The following PTCD2 variants were observed in gnomAD, a reference collection of about 807,000 sequenced individuals.
PTCD2 encodes pentatricopeptide repeat domain 2.
In PTCD2, 31 loss-of-function variants were observed where a neutral mutation model predicts 42.6. The observed-to-expected ratio is 0.73, with a 90% CI of 0.55 to 0.98. PTCD2 has a LOEUF of 0.98. Ranked by LOEUF, PTCD2 falls within the 50% of genes least tolerant of loss-of-function variation. PTCD2 has a pLI of 0.00. For synonymous variants in PTCD2, 183 were observed against 170.9 expected (o/e 1.07, Z -0.55); for missense variants, 476 against 454.8 (o/e 1.05, Z -0.42).
chr5:72,362,845 T>G lies in PTCD2; in HGVS notation c.*4418T>G, dbSNP rs977144520. On this transcript the variant is annotated 3_prime_UTR_variant, in exon 10 of 10. Transcript: ENST00000380639. The stretch of plus-strand genomic sequence containing the variant: ...ACTCCCAGGGATCTTTTTGTTTCTG[T>G]AGGAGGTGCTCATTACAGAGTGGCC... The G allele has an allele frequency of 3.3e-5, 5 of 152,232 alleles. No homozygotes were observed. The highest frequency in any genetic ancestry group is 4.8e-5 in the African/African-American group (2 of 41,450). 9.4% of individuals were successfully genotyped at this position (152,232 alleles called of 1,614,324 possible). A position where few individuals can be genotyped will look rare whatever the true frequency, so the allele number is the denominator to read the frequency against.
rs1421682271 is a variant in PTCD2, at chr5:72,359,475, C to G, written c.*1048C>G. ...AGCTGTCTGCCAAGATTGCTGCAGA[C>G]TCTTCATTGCCACCTCCAAAACTAA... On this transcript the variant is annotated 3_prime_UTR_variant, in exon 10 of 10. Transcript: ENST00000380639. 6.6e-6 allele frequency: 1 copy of G among 152,200 alleles called. No homozygotes were observed. The highest frequency in any genetic ancestry group is 1.5e-5 in the Non-Finnish European group (1 of 68,050). 9.4% of individuals were successfully genotyped at this position (152,200 alleles called of 1,614,324 possible). A position where few individuals can be genotyped will look rare whatever the true frequency, so the allele number is the denominator to read the frequency against.
intron 4 of PTCD2, among the ~76,000 whole-genome samples, chr5:72,334,785 G>A (rs568855581): frequency 6.6e-6 from 1 of 152,108 alleles, no homozygotes; most frequent in African/African-American, 2.4e-5. Context: ...TTCTGACCTC[G>A]TGATCCACCT....
chr5:72,363,923 A>G lies in PTCD2; in HGVS notation c.*5496A>G, dbSNP rs888982816. ...CCTATAAATTTGATTCAGAGAAATT[A>G]CACTTCATAGATAAACTAGCCATAA... On this transcript the variant is annotated 3_prime_UTR_variant, in exon 10 of 10. Transcript: ENST00000380639. The G allele has an allele frequency of 6.6e-6, 1 of 152,256 alleles. No homozygotes were observed. Among genetic ancestry groups the G allele is most frequent in the Non-Finnish European group, 1.5e-5 (1 of 68,042 alleles). The allele number at this position is 152,256 out of a possible 1,614,324, so 9.4% of individuals were successfully genotyped here. A position where few individuals can be genotyped will look rare whatever the true frequency, so the allele number is the denominator to read the frequency against.
intron 9 of PTCD2, among the ~76,000 whole-genome samples, chr5:72,353,722 CAT>C (rs1752731951): frequency 6.6e-6 from 1 of 152,086 alleles, no homozygotes; most frequent in East Asian, 1.9e-4. Context: ...TTTAGTGTAA[CAT>C]AGAGACAAGC....
chr5:72,339,939 CTA>C (rs1751966869), intron 7 of PTCD2, among the ~76,000 whole-genome samples: 1 of 152,040 alleles, frequency 6.6e-6, no homozygotes, highest in African/African-American at 2.4e-5. Flanking sequence ...ACAGCTTTTC[CTA>C]TGCTTTATTT....
intron 8 of PTCD2, among the ~76,000 whole-genome samples, chr5:72,350,988 G>A (rs2112218891): frequency 6.6e-6 from 1 of 152,286 alleles, no homozygotes; most frequent in Non-Finnish European, 1.5e-5. Context: ...GTGATGAATT[G>A]CTATGTATGT....
At chr5:72,326,935 T>C (rs1003101033) in intron 3 of PTCD2, among the ~76,000 whole-genome samples, 194 bp downstream of exon 3, 1 of 152,150 alleles carries the variant, frequency 6.6e-6, no homozygotes, top group Non-Finnish European at 1.5e-5. Flanking sequence ...GGGTTCCTAC[T>C]ATATGCTGGG....
At chr5:72,337,851 T>C (rs1284469324) in intron 6 of PTCD2, among the ~76,000 whole-genome samples, 1 of 152,130 alleles carries the variant, frequency 6.6e-6, no homozygotes, top group African/African-American at 2.4e-5. Context: ...TTTTCTCCCC[T>C]GTGTCATGTC....
Position 72,358,894 on chromosome 5 carries a change from C to G in PTCD2, c.*467C>G, listed in dbSNP as rs2112245001. 5.9e-6 allele frequency: 1 copy of G among 169,132 alleles called. No homozygotes were observed. The highest frequency in any genetic ancestry group is 1.3e-5 in the Non-Finnish European group (1 of 77,818). The allele number at this position is 169,132 out of a possible 1,614,324, so 10.5% of individuals were successfully genotyped here. A position where few individuals can be genotyped will look rare whatever the true frequency, so the allele number is the denominator to read the frequency against. ...CTCATTGCTCTGCCATCATATATGT[C>G]TATGACTTGAGCCCTTATTTTTCCA... On this transcript the variant is annotated 3_prime_UTR_variant, in exon 10 of 10. Coordinates refer to ENST00000380639, the MANE Select transcript of PTCD2 (RefSeq NM_024754.5).
chr5:72,334,348 A>G (rs972977985), intron 4 of PTCD2, among the ~76,000 whole-genome samples: 1 of 152,196 alleles, frequency 6.6e-6, no homozygotes, highest in Non-Finnish European at 1.5e-5. Flanking sequence ...AAGTATATTT[A>G]TAGCTGCCAT....
intron 4 of PTCD2, among the ~76,000 whole-genome samples, chr5:72,334,641 T>C (rs1013407892): frequency 6.6e-6 from 1 of 151,860 alleles, no homozygotes; most frequent in Non-Finnish European, 1.5e-5. Flanking sequence ...AGCCTCCACC[T>C]CCTGGGTTCA....
At chr5:72,336,716 A>C (rs887488775) in intron 6 of PTCD2, among the ~76,000 whole-genome samples, 5 of 151,758 alleles carry the variant, frequency 3.3e-5, no homozygotes, top group Non-Finnish European at 5.9e-5. Context: ...GTCTCAAAAA[A>C]AAAAAAAAAA....
In PTCD2 at chr5:72,320,454, G is replaced by A; in HGVS notation, c.72G>A (p.Leu24=). Residue 24 remains leucine (L), a synonymous_variant, in exon 1 of 10, where the codon TTG becomes TTA. Coordinates refer to ENST00000380639, the MANE Select transcript of PTCD2 (RefSeq NM_024754.5). ...TTCTCCTGCAGGCGCTGCAGATTTT[G>A]GTGTATCCTGGGGTGGGAGGCTCCG... The part of the protein sequence containing the change: ...NRVLLQALQI[L]VYPGVGGSGS... 1 of 1,614,114 alleles carries A rather than the reference G, an allele frequency of 6.2e-7. No homozygotes were observed. Among genetic ancestry groups the A allele is most frequent in the Non-Finnish European group, 8.5e-7 (1 of 1,180,026 alleles).
rs1452897655 is a variant in PTCD2 at position 72,360,909 on chromosome 5, ACT to A, written c.*2485_*2486del. 1 of 151,870 alleles carries A rather than the reference ACT, an allele frequency of 6.6e-6. No homozygotes were observed. The highest frequency in any genetic ancestry group is 1.5e-5 in the Non-Finnish European group (1 of 68,022). The allele number at this position is 151,870 out of a possible 1,614,324, so 9.4% of individuals were successfully genotyped here. ...ACCATGTTGGCCAGGCTGGTCTCTAACTCTTATCCTCAAGTGATCTGCCTGCC... is the reference window on the plus strand; with the variant it reads ...ACCATGTTGGCCAGGCTGGTCTCTAACTTATCCTCAAGTGATCTGCCTGCC... On this transcript the variant is annotated 3_prime_UTR_variant, in exon 10 of 10. Coordinates refer to ENST00000380639, the MANE Select transcript of PTCD2 (RefSeq NM_024754.5).
intron 6 of PTCD2, among the ~76,000 whole-genome samples, chr5:72,336,371 A>C (rs1383332831): frequency 6.6e-6 from 1 of 152,232 alleles, no homozygotes; most frequent in East Asian, 1.9e-4. Context: ...CTTCTGACAC[A>C]GCTTAATGTA....
In PTCD2 at chr5:72,358,472, T is replaced by C. The variant is rs532014714; in HGVS notation, c.*45T>C. The C allele has an allele frequency of 2.1e-6, 3 of 1,406,470 alleles. No individual in the cohort carries two copies. Among genetic ancestry groups the C allele is most frequent in the African/African-American group, 1.4e-5 (1 of 70,758 alleles). 87.1% of individuals were successfully genotyped at this position (1,406,470 alleles called of 1,614,324 possible). A position where few individuals can be genotyped will look rare whatever the true frequency, so the allele number is the denominator to read the frequency against. On this transcript the variant is annotated 3_prime_UTR_variant, in exon 10 of 10. Transcript: ENST00000380639. Reference sequence around the variant, plus strand: ...ATGGATCTGAGGGGCCTGCTTCTAGTGAGTTATTACCTTTCCTAAGAAGCC... The same window carrying C: ...ATGGATCTGAGGGGCCTGCTTCTAGCGAGTTATTACCTTTCCTAAGAAGCC...
At chr5:72,334,742 G>C (rs1751638345) in intron 4 of PTCD2, among the ~76,000 whole-genome samples, 1 of 151,952 alleles carries the variant, frequency 6.6e-6, no homozygotes, top group Admixed American at 6.6e-5. Context: ...GTAGAGACGG[G>C]GTTTCACCAT....
At chr5:72,332,757 G>A (rs58383329) in intron 4 of PTCD2, among the ~76,000 whole-genome samples, 9,650 of 152,166 alleles carry the variant, frequency 0.063, 570 homozygotes, top group African/African-American at 0.16. Context: ...GCTTCTAGCC[G>A]AACTTCTCTT....
At chr5:72,333,154 T>C (rs1434238105) in intron 4 of PTCD2, among the ~76,000 whole-genome samples, 1 of 152,154 alleles carries the variant, frequency 6.6e-6, no homozygotes, top group Non-Finnish European at 1.5e-5. Flanking sequence ...GGGGGCCCAT[T>C]GTGCCATCTC....
Sources: gnomAD v4.1 joint callset for allele counts (sites outside exome capture counted in the v4.1 genomes callset) on GRCh38, gnomAD v4.1.1 for gene constraint, MANE v1.5 for transcripts, NCBI Gene and HGNC (gene_info 2026-07-23, HGNC 2026-07-21) for gene names.